The following SFRP1 variants were observed in gnomAD, a reference collection of about 807,000 sequenced individuals.
The protein encoded by SFRP1 is secreted frizzled-related protein 1.
A neutral mutation model predicts 25.9 loss-of-function variants in SFRP1; 9 were observed. The observed-to-expected ratio is 0.35, with a 90% CI of 0.21 to 0.61. The LOEUF (loss-of-function observed/expected upper bound fraction) is 0.61. Ranked by LOEUF, SFRP1 falls within the 20% of genes least tolerant of loss-of-function variation. SFRP1 has a pLI of 0.78. For missense variants in SFRP1, 346 were observed against 418.2 expected, an observed-to-expected ratio of 0.83 and a Z score of 1.51; for synonymous variants, 178 against 174.0, an observed-to-expected ratio of 1.02 and a Z score of -0.18.
intron 2 of SFRP1, among the ~76,000 whole-genome samples, chr8:41,286,274 A>C (rs1803699864): frequency 6.6e-6 from 1 of 152,216 alleles, no homozygotes; most frequent in African/African-American, 2.4e-5. Flanking sequence ...CCAGGCAAAG[A>C]GCTGTCAGTC....
chr8:41,304,292 C>A (rs1045909478), intron 1 of SFRP1, among the ~76,000 whole-genome samples: 1 of 152,186 alleles, frequency 6.6e-6, no homozygotes, highest in Non-Finnish European at 1.5e-5. Context: ...AGGGCAGAAG[C>A]CTCCTCCAAG....
At chr8:41,291,729 A>G (rs889895495) in intron 2 of SFRP1, among the ~76,000 whole-genome samples, 1 of 152,152 alleles carries the variant, frequency 6.6e-6, no homozygotes, top group Admixed American at 6.5e-5. Context: ...GGAGCCCAGC[A>G]CACACACCAC....
intron 2 of SFRP1, among the ~76,000 whole-genome samples, chr8:41,285,134 T>C (rs916127665): frequency 6.6e-6 from 1 of 152,228 alleles, no homozygotes. Context: ...GAACTTCACA[T>C]ATAGATGCAC....
intron 2 of SFRP1, among the ~76,000 whole-genome samples, chr8:41,277,763 A>G (rs1345540916): frequency 6.6e-6 from 1 of 152,076 alleles, no homozygotes; most frequent in East Asian, 1.9e-4. Flanking sequence ...CCACCACACC[A>G]CCTAATTAAA....
At chr8:41,305,563 G>A (rs1803985081) in intron 1 of SFRP1, among the ~76,000 whole-genome samples, 1 of 152,202 alleles carries the variant, frequency 6.6e-6, no homozygotes, top group Non-Finnish European at 1.5e-5. Flanking sequence ...CCTCATTGGT[G>A]CGTCTTGGGG....
At chr8:41,297,745 G>A (rs1442693077) in intron 2 of SFRP1, among the ~76,000 whole-genome samples, 1 of 152,066 alleles carries the variant, frequency 6.6e-6, no homozygotes, top group Non-Finnish European at 1.5e-5. Context: ...GTCTCGCCCA[G>A]AGCCTGTGTT....
chr8:41,305,333 A>C (rs1383751981), intron 1 of SFRP1, among the ~76,000 whole-genome samples: 1 of 152,212 alleles, frequency 6.6e-6, no homozygotes, highest in Non-Finnish European at 1.5e-5. Flanking sequence ...CGCCTGAACC[A>C]ATCGGCCAAG....
intron 2 of SFRP1, among the ~76,000 whole-genome samples, chr8:41,299,503 A>T (rs1433974619): frequency 1.5e-5 from 1 of 67,568 alleles, no homozygotes; most frequent in Admixed American, 1.4e-4. Flanking sequence ...CCTTTATAAA[A>T]AAAAAAAAAA....
intron 2 of SFRP1, among the ~76,000 whole-genome samples, chr8:41,294,670 C>G (rs1487376827): frequency 2.0e-5 from 3 of 152,182 alleles, no homozygotes; most frequent in African/African-American, 7.2e-5. Context: ...CATCTATTAC[C>G]TGCACATCAA....
At chr8:41,301,065 A>G (rs1803910128) in intron 2 of SFRP1, among the ~76,000 whole-genome samples, 1 of 152,214 alleles carries the variant, frequency 6.6e-6, no homozygotes, top group African/African-American at 2.4e-5. Context: ...GGGGTCAGAC[A>G]TGCCCAGCTC....
At chr8:41,303,574 T>G in intron 1 of SFRP1, 36 bp from the exon 2 acceptor site, 1 of 1,562,316 alleles carries the variant, frequency 6.4e-7, no homozygotes, top group Non-Finnish European at 8.8e-7. Context: ...GAACTGTAAG[T>G]TACAGAGCAG....
chr8:41,304,479 G>A (rs1464189313), intron 1 of SFRP1, among the ~76,000 whole-genome samples: 2 of 152,004 alleles, frequency 1.3e-5, no homozygotes, highest in South Asian at 4.1e-4. Context: ...AACATCACGA[G>A]CACATTCTAG....
chr8:41,265,134 C>CCCG lies in SFRP1; in HGVS notation c.*32_*33insCGG. 2 of 745,306 alleles carry CCCG rather than the reference C, an allele frequency of 2.7e-6. No homozygotes were observed. Among genetic ancestry groups the CCCG allele is most frequent in the Non-Finnish European group, 4.3e-6 (2 of 462,484 alleles). 46.2% of individuals were successfully genotyped at this position (745,306 alleles called of 1,614,324 possible). A position where few individuals can be genotyped will look rare whatever the true frequency, so the allele number is the denominator to read the frequency against. On this transcript the variant is annotated 3_prime_UTR_variant, in exon 3 of 3. Coordinates refer to ENST00000220772, the MANE Select transcript of SFRP1 (RefSeq NM_003012.5). The stretch of plus-strand genomic sequence containing the variant: ...CTGTCCCCCCCGCTCCCACCCCACC[C>CCCG]GAGGCTCCCTCCCCACCCTGCCCCC...
chr8:41,287,505 G>C (rs1803720046), intron 2 of SFRP1, among the ~76,000 whole-genome samples: 1 of 152,182 alleles, frequency 6.6e-6, no homozygotes, highest in Admixed American at 6.5e-5. Context: ...ACCTGCACCA[G>C]GGCCTGCTGT....
At chr8:41,307,672 C>G (rs1804015107) in intron 1 of SFRP1, among the ~76,000 whole-genome samples, 1 of 152,182 alleles carries the variant, frequency 6.6e-6, no homozygotes. Context: ...GAAGTCAGGT[C>G]TGTGATGTGT....
intron 2 of SFRP1, among the ~76,000 whole-genome samples, chr8:41,298,766 A>G (rs1336010363): frequency 6.6e-6 from 1 of 152,184 alleles, no homozygotes; most frequent in African/African-American, 2.4e-5. Flanking sequence ...CAAAATATCA[A>G]ACATACCCCA....
chr8:41,277,359 G>C (rs1025811809), intron 2 of SFRP1, among the ~76,000 whole-genome samples: 1 of 152,228 alleles, frequency 6.6e-6, no homozygotes, highest in African/African-American at 2.4e-5. Flanking sequence ...TTCCTACCAT[G>C]GGGTCACTGG....
At chr8:41,272,900 G>A (rs561116395) in intron 2 of SFRP1, among the ~76,000 whole-genome samples, 29 of 151,816 alleles carry the variant, frequency 1.9e-4, no homozygotes, top group African/African-American at 6.8e-4. Context: ...AAATATGAAA[G>A]ACAAAAAGAA....
intron 2 of SFRP1, among the ~76,000 whole-genome samples, chr8:41,294,058 G>A (rs949523047): frequency 3.2e-4 from 49 of 151,948 alleles, no homozygotes; most frequent in African/African-American, 1.1e-3. Flanking sequence ...TAAATGTGTC[G>A]AGGGCAGGAA....
Sources: gnomAD v4.1 joint callset for allele counts (sites outside exome capture counted in the v4.1 genomes callset) on GRCh38, gnomAD v4.1.1 for gene constraint, MANE v1.5 for transcripts, NCBI Gene and HGNC (gene_info 2026-07-23, HGNC 2026-07-21) for gene names.